The following COL4A3 variants were observed in gnomAD, a reference collection of about 807,000 sequenced individuals.
The protein encoded by COL4A3 is collagen type IV alpha 3 chain, also known as collagen alpha-3(IV) chain.
A neutral mutation model predicts 217.4 loss-of-function variants in COL4A3; 135 were observed. The ratio of observed to expected loss-of-function variants is 0.62; its 90% CI spans 0.54 to 0.72. The LOEUF is 0.72. COL4A3 is among the 30% of genes least tolerant of loss of function. The pLI is 0.00. For missense variants in COL4A3, 1,868 were observed against 2,119.9 expected (o/e 0.88, Z 2.33); for synonymous variants, 690 against 736.3 (o/e 0.94, Z 1.02).
intron 1 of COL4A3, among the ~76,000 whole-genome samples, chr2:227,207,903 G>A (rs1389665774): frequency 6.6e-6 from 1 of 152,140 alleles, no homozygotes; most frequent in Non-Finnish European, 1.5e-5. Context: ...AATTGAAGGG[G>A]CTAAGTAGGA....
At chr2:227,303,821 T>C (rs2073390712) in intron 44 of COL4A3, 38 bp from the exon 45 acceptor site, 2 of 1,593,498 alleles carry the variant, frequency 1.3e-6, no homozygotes, top group Non-Finnish European at 1.7e-6. Context: ...AACCCATTGA[T>C]CTAAGTGGAA....
At chr2:227,238,081 T>G (rs1023444693) in intron 2 of COL4A3, 57 bp downstream of exon 2, 1 of 1,123,324 alleles carries the variant, frequency 8.9e-7, no homozygotes, top group Non-Finnish European at 1.4e-6. Context: ...AAGGTAAAAC[T>G]CAACCTTCTT....
At chr2:227,287,817 A>G (rs1054345958) in intron 34 of COL4A3, among the ~76,000 whole-genome samples, 1 of 152,202 alleles carries the variant, frequency 6.6e-6, no homozygotes, top group Admixed American at 6.5e-5. Context: ...TTCCTGGATG[A>G]TAATTATTTG....
intron 1 of COL4A3, among the ~76,000 whole-genome samples, chr2:227,175,737 T>A (rs1482715822): frequency 6.6e-6 from 1 of 152,204 alleles, no homozygotes; most frequent in Non-Finnish European, 1.5e-5. Context: ...GGCCTCTACA[T>A]GGCTGTCTAT....
intron 1 of COL4A3, among the ~76,000 whole-genome samples, chr2:227,212,859 C>T (rs1258682137): frequency 6.6e-6 from 1 of 152,186 alleles, no homozygotes; most frequent in Non-Finnish European, 1.5e-5. Context: ...GGTGAACACC[C>T]ATGATTTAAT....
chr2:227,293,424 T>G (rs1377091778), intron 38 of COL4A3, 107 bp downstream of exon 38: 1 of 1,287,388 alleles, frequency 7.8e-7, no homozygotes, highest in East Asian at 2.3e-5. Context: ...TATGCTGCAG[T>G]TGCTTTTATT....
At chr2:227,302,417 C>G (rs75906842) in intron 43 of COL4A3, among the ~76,000 whole-genome samples, 1 of 151,952 alleles carries the variant, frequency 6.6e-6, no homozygotes, top group Admixed American at 6.6e-5. Flanking sequence ...TAGCTCACTA[C>G]TATAATCCCA....
rs112839350 is a variant in COL4A3 at position 227,176,555 on chromosome 2, A to T, written c.87+11742A>T. On this transcript the variant is annotated intron_variant, in intron 1 of 51. Coordinates refer to ENST00000396578, the MANE Select transcript of COL4A3 (RefSeq NM_000091.5). ...GGAGTTTTCCAGTTTAATCTTTAAG[A>T]TCCATGTTTGTTAATTAGATTGTCT... Among the ~76,000 whole-genome samples, 546 of 152,288 alleles carry T rather than the reference A, an allele frequency of 3.6e-3. 4 individuals are homozygous for T. The highest frequency in any genetic ancestry group is 0.012 in the African/African-American group (512 of 41,554).
chr2:227,202,945 G>A (rs1234598936), intron 1 of COL4A3, among the ~76,000 whole-genome samples: 6 of 33,554 alleles, frequency 1.8e-4, no homozygotes, highest in Admixed American at 3.8e-4. Flanking sequence ...GTATATATGT[G>A]TATATATACA....
chr2:227,281,346 ATATAT>A (rs2071952259), intron 31 of COL4A3, among the ~76,000 whole-genome samples: 1 of 152,230 alleles, frequency 6.6e-6, no homozygotes, highest in African/African-American at 2.4e-5. Context: ...ATTTTCATAA[ATATAT>A]TAAAGTGGTA....
chr2:227,187,738 G>A (rs1421324054), intron 1 of COL4A3, among the ~76,000 whole-genome samples: 3 of 152,190 alleles, frequency 2.0e-5, no homozygotes, highest in East Asian at 3.8e-4. Flanking sequence ...GTATGTCCTA[G>A]CTCATGGTTT....
At chr2:227,246,612 G>C in intron 6 of COL4A3, 73 bp from the exon 7 acceptor site, 1 of 1,289,546 alleles carries the variant, frequency 7.8e-7, no homozygotes, top group Admixed American at 1.8e-5. Flanking sequence ...TTGGAAGCGA[G>C]AAACAGGAAA....
intron 1 of COL4A3, among the ~76,000 whole-genome samples, chr2:227,217,041 T>C (rs905137529): frequency 2.0e-5 from 3 of 152,212 alleles, no homozygotes; most frequent in Non-Finnish European, 2.9e-5. Flanking sequence ...CTGGGTACTT[T>C]ATAAAGAAAA....
intron 26 of COL4A3, among the ~76,000 whole-genome samples, chr2:227,274,118 T>A (rs1441356027): frequency 6.6e-6 from 1 of 151,962 alleles, no homozygotes; most frequent in African/African-American, 2.4e-5. Context: ...ATACCCACAG[T>A]CCCAGCTACT....
chr2:227,260,351 A>G (rs1333559563), intron 19 of COL4A3, among the ~76,000 whole-genome samples: 2 of 152,142 alleles, frequency 1.3e-5, no homozygotes, highest in Non-Finnish European at 2.9e-5. Flanking sequence ...TTCTGGGCCA[A>G]TCCCTCTCAT....
chr2:227,277,327 A>G, intron 27 of COL4A3, 122 bp from the exon 28 acceptor site: 1 of 641,422 alleles, frequency 1.6e-6, no homozygotes, highest in East Asian at 3.1e-5. Context: ...AACAGGAAAA[A>G]AAAAAAAAAA....
In COL4A3 at chr2:227,291,973, C is replaced by T. The variant is rs188413689; in HGVS notation, c.3210+1087C>T. ...AGTTCCTATAAGCAGAAGTTGCTAA[C>T]GTGGGATTCCATGGACCACTGGGAA... On this transcript the variant is annotated intron_variant, in intron 37 of 51. Transcript: ENST00000396578. 9.5e-4 allele frequency among the ~76,000 whole-genome samples: 145 copies of T among 152,330 alleles called. 1 individual carries two copies. The highest frequency in any genetic ancestry group is 3.4e-3 in the African/African-American group (140 of 41,574).
intron 37 of COL4A3, among the ~76,000 whole-genome samples, chr2:227,291,562 C>CAAAAAAAAAAAAAAAAAAAAAAAAAAAAA (rs869289707): frequency 2.9e-5 from 1 of 34,416 alleles, no homozygotes; most frequent in African/African-American, 1.8e-4. Context: ...GACTCCGTCT[C>CAAAAAAAAAAAAAAAAAAAAAAAAAAAAA]AAAAAAAAAA....
At chr2:227,288,923 A>G (rs1442675871) in intron 34 of COL4A3, among the ~76,000 whole-genome samples, 1 of 149,090 alleles carries the variant, frequency 6.7e-6, no homozygotes, top group African/African-American at 2.5e-5. Context: ...TTTAACATGA[A>G]TTTTTGATGC....
Sources: allele counts gnomAD v4.1 joint callset (sites outside exome capture counted in the v4.1 genomes callset), GRCh38; gene constraint gnomAD v4.1.1; transcripts MANE v1.5; gene names NCBI Gene and HGNC (gene_info 2026-07-23, HGNC 2026-07-21).